Variants in ASAH1 observed in about 807,000 individuals in gnomAD.
ASAH1 encodes the protein N-acylsphingosine amidohydrolase 1, also known as acid ceramidase.
A neutral mutation model predicts 59.5 loss-of-function variants in ASAH1; 70 were observed. The observed-to-expected ratio is 1.18, with a 90% CI of 0.97 to 1.43. The LOEUF (loss-of-function observed/expected upper bound fraction) is 1.43. Ranked by LOEUF, ASAH1 falls within the 40% of genes most tolerant of loss-of-function variation. The probability of loss-of-function intolerance (pLI) is 0.00; values close to 1 mark genes in which losing one functional copy is unlikely to be tolerated. For missense variants in ASAH1, 660 were observed against 482.5 expected (o/e 1.37, Z -3.45); for synonymous variants, 213 against 166.5 (o/e 1.28, Z -2.15).
rs3753115 is a variant in ASAH1 at position 18,073,263 on chromosome 8, C to T, written c.126-1873G>A. The T allele has an allele frequency of 0.46, 694,865 of 1,499,158 alleles. 172,931 individuals are homozygous for T. The highest frequency in any genetic ancestry group is 0.6 in the Admixed American group (32,805 of 54,962). The allele number at this position is 1,499,158 out of a possible 1,614,324, so 92.9% of individuals were successfully genotyped here. A position where few individuals can be genotyped will look rare whatever the true frequency, so the allele number is the denominator to read the frequency against. ...GAATAAAAGAGTATCCACCTTATAA[C>T]AGCAGGGAAGACACTATATGAAAAA... On this transcript the variant is annotated intron_variant, in intron 2 of 13. Coordinates refer to ENST00000637790, the MANE Select transcript of ASAH1 (RefSeq NM_177924.5).
chr8:18,073,409 T>C, intron 2 of ASAH1: 1 of 936,468 alleles, frequency 1.1e-6, no homozygotes, highest in Non-Finnish European at 1.6e-6. Flanking sequence ...GACTTAGTGT[T>C]TGCAATGTCC....
chr8:18,082,743 T>C (rs1401669474), intron 1 of ASAH1: 3 of 152,150 alleles, frequency 2.0e-5, no homozygotes, highest in Non-Finnish European at 4.4e-5. Context: ...TGTGGTCTCC[T>C]TTGCCTCAAA....
At chr8:18,082,865 T>C (rs1349294538) in intron 1 of ASAH1, among the ~76,000 whole-genome samples, 1 of 152,080 alleles carries the variant, frequency 6.6e-6, no homozygotes, top group Non-Finnish European at 1.5e-5. Context: ...TAAAACCAAC[T>C]ACCGTCAAGC....
rs117355478 is a variant in ASAH1 at position 18,067,108 on chromosome 8, T to G, written c.382+112A>C. 3.3e-5 allele frequency: 16 copies of G among 484,232 alleles called. No individual in the cohort carries two copies. In the East Asian group the frequency reaches 1.1e-3, roughly 33 times the overall value. 30.0% of individuals were successfully genotyped at this position (484,232 alleles called of 1,614,324 possible). A position where few individuals can be genotyped will look rare whatever the true frequency, so the allele number is the denominator to read the frequency against. ...TGTATATCTAAGACCTGTGCACCTG[T>G]GCTGTATATCTAAGACATACAGCAC... is the stretch of plus-strand genomic sequence containing the variant. On this transcript the variant is annotated intron_variant, in intron 5 of 13. Coordinates refer to ENST00000637790, the MANE Select transcript of ASAH1 (RefSeq NM_177924.5).
chr8:18,059,622 C>A lies in ASAH1; in HGVS notation c.867G>T (p.Gly289=), dbSNP rs1799609576. ...AYFILGGNQS[G]EGCVITRDRK... is the part of the protein sequence containing the mutation. ...TGTCTCGTGTAATCACACAACCTTCCCCAGACTGGTTGCCTCCCAGGATAA... is the reference window on the plus strand; with the variant it reads ...TGTCTCGTGTAATCACACAACCTTCACCAGACTGGTTGCCTCCCAGGATAA... The change falls in exon 11 of 14, where the codon GGG becomes GGT. Residue 289 remains glycine (G), a synonymous_variant. Transcript: ENST00000637790. 6.2e-7 allele frequency: 1 copy of A among 1,614,182 alleles called. No individual in the cohort carries two copies. Among genetic ancestry groups the A allele is most frequent in the Admixed American group, 1.7e-5 (1 of 60,018 alleles).
At position 18,069,835 on chromosome 8, in the gene ASAH1, A is replaced by C. The variant is rs1800086266; in HGVS notation, c.260T>G (p.Phe87Cys). 1 of 1,592,650 alleles carries C rather than the reference A, an allele frequency of 6.3e-7. No homozygotes were observed. Among genetic ancestry groups the C allele is most frequent in the East Asian group, 2.2e-5 (1 of 44,766 alleles). Residue 87 changes from phenylalanine to cysteine, a missense_variant, in exon 4 of 14, where the codon TTC (phenylalanine) becomes TGC (cysteine). Physicochemically the swap from Phe to Cys is radical, Grantham distance 205 (BLOSUM62 -2). Coordinates refer to ENST00000637790, the MANE Select transcript of ASAH1 (RefSeq NM_177924.5). ...CTGCATAATTTTTCCACTTGGCACG[A>C]ATGTATTTATCATATTCTTCAGAGA... ...VNSLKNMINT[F>C]VPSGKIMQVV...
At chr8:18,060,379 C>T (rs10112857) in intron 10 of ASAH1, 61,105 of 152,348 alleles carry the variant, frequency 0.4, 12,954 homozygotes, top group South Asian at 0.66. Context: ...AGATGGGAAG[C>T]GGGAATCTTA....
chr8:18,081,164 C>A (rs1053516929), intron 1 of ASAH1, among the ~76,000 whole-genome samples: 5 of 152,272 alleles, frequency 3.3e-5, no homozygotes, highest in African/African-American at 1.2e-4. Context: ...GGAACGGATG[C>A]CACCATTCGC....
chr8:18,070,189 G>T (rs10102520), intron 3 of ASAH1, among the ~76,000 whole-genome samples: 84,422 of 150,550 alleles, frequency 0.56, 24,516 homozygotes, highest in African/African-American at 0.72. Context: ...TGCTCTTGTC[G>T]CCCAGGCCGG....
At chr8:18,067,064 T>C in intron 5 of ASAH1, 156 bp downstream of exon 5, 1 of 235,564 alleles carries the variant, frequency 4.2e-6, no homozygotes, top group Non-Finnish European at 9.4e-6. Context: ...ATGCATGCAT[T>C]TCTGAAGCTT....
At chr8:18,061,052 C>G in intron 10 of ASAH1, 1 of 272,506 alleles carries the variant, frequency 3.7e-6, no homozygotes, top group Non-Finnish European at 7.1e-6. Context: ...TGTGCCTGGT[C>G]TGTACTACCA....
chr8:18,084,325 G>T, upstream of ASAH1: 2 of 1,421,944 alleles, frequency 1.4e-6, no homozygotes, highest in Non-Finnish European at 9.2e-7. Flanking sequence ...GGCGCGTGGC[G>T]TGATCCATCC....
chr8:18,075,072 T>C (rs1048919947), intron 2 of ASAH1, among the ~76,000 whole-genome samples: 1 of 147,668 alleles, frequency 6.8e-6, no homozygotes, highest in African/African-American at 2.5e-5. Context: ...CTCGGCTCAC[T>C]GCAAGCTCCG....
At chr8:18,065,185 A>G (rs1275621036) in intron 5 of ASAH1, 1 of 151,372 alleles carries the variant, frequency 6.6e-6, no homozygotes, top group Non-Finnish European at 1.5e-5. Context: ...TAGTTATTTT[A>G]TTATACATTT....
chr8:18,084,330 C>T (rs2117109511), upstream of ASAH1: 4 of 1,419,072 alleles, frequency 2.8e-6, no homozygotes, highest in South Asian at 1.5e-5. Flanking sequence ...GTGGCGTGAT[C>T]CATCCCCCTC....
intron 1 of ASAH1, among the ~76,000 whole-genome samples, chr8:18,081,712 T>C (rs1564555362): frequency 1.3e-5 from 2 of 152,262 alleles, no homozygotes; most frequent in African/African-American, 4.8e-5. Flanking sequence ...TTGTTTCCAA[T>C]TTAAAGCTGC....
chr8:18,057,335 T>C lies in ASAH1; in HGVS notation c.*199A>G, dbSNP rs1002785260. ...TTACTTCCCCTAAAGAAGTTATCTG[T>C]AAATAAGAAAAATCAACTGATAGGG... is the stretch of plus-strand genomic sequence containing the variant. On this transcript the variant is annotated 3_prime_UTR_variant, in exon 14 of 14. Coordinates refer to ENST00000637790, the MANE Select transcript of ASAH1 (RefSeq NM_177924.5). The C allele has an allele frequency of 2.5e-6, 1 of 393,840 alleles. No homozygotes were observed. Among genetic ancestry groups the C allele is most frequent in the African/African-American group, 2.1e-5 (1 of 47,802 alleles). 24.4% of individuals were successfully genotyped at this position (393,840 alleles called of 1,614,324 possible). A position where few individuals can be genotyped will look rare whatever the true frequency, so the allele number is the denominator to read the frequency against.
At position 18,072,248 on chromosome 8, in the gene ASAH1, C is replaced by A. The variant is rs563217653; in HGVS notation, c.126-858G>T. ...AATAACCATCATCTGTTCCACTGAT[C>A]TGCTCCTGAGACTGGCAGGGTGACT... is the stretch of plus-strand genomic sequence containing the variant. On this transcript the variant is annotated intron_variant, in intron 2 of 13. Coordinates refer to ENST00000637790, the MANE Select transcript of ASAH1 (RefSeq NM_177924.5). Among the ~76,000 whole-genome samples the A allele has an allele frequency of 3.3e-5, 5 of 152,356 alleles. No homozygotes were observed. In the East Asian group the frequency reaches 7.7e-4, roughly 23 times the overall value.
intron 2 of ASAH1, among the ~76,000 whole-genome samples, chr8:18,074,225 C>G (rs755604558): frequency 8.0e-4 from 122 of 152,256 alleles, no homozygotes; most frequent in Admixed American, 2.4e-3. Flanking sequence ...TCACTGAAGG[C>G]CAGAATGATG....
Sources: allele counts gnomAD v4.1 joint callset (sites outside exome capture counted in the v4.1 genomes callset), GRCh38; gene constraint gnomAD v4.1.1; transcripts MANE v1.5; gene names NCBI Gene and HGNC (gene_info 2026-07-23, HGNC 2026-07-21).